CSMD1: variants seen among roughly 807,000 people sequenced by gnomAD.
The protein encoded by CSMD1 is CUB and Sushi multiple domains 1.
A neutral mutation model predicts 417.5 loss-of-function variants in CSMD1; 213 were observed. That is an observed-to-expected ratio of 0.51 (90% CI 0.46 to 0.57). The LOEUF (loss-of-function observed/expected upper bound fraction) is 0.57. Ranked by LOEUF, CSMD1 falls within the 20% of genes least tolerant of loss-of-function variation. The pLI is 0.00. For synonymous variants in CSMD1, 2,862 were observed against 1,736.8 expected (o/e 1.65, Z -16.11); for missense variants, 6,923 against 4,529.7 (o/e 1.53, Z -15.17).
intron 16 of CSMD1, among the ~76,000 whole-genome samples, chr8:3,398,681 C>G (rs988071126): frequency 3.9e-5 from 6 of 152,118 alleles, no homozygotes; most frequent in South Asian, 2.1e-4. Context: ...ACAAAGATGC[C>G]TCCCTAGCCT....
rs77022204 is a variant in CSMD1 at position 4,445,743 on chromosome 8, A to G, written c.303-25678T>C. 1.0e-2 allele frequency among the ~76,000 whole-genome samples: 1,462 copies of G among 146,590 alleles called. 10 individuals are homozygous for G. The highest frequency in any genetic ancestry group is 0.016 in the Non-Finnish European group (1,027 of 65,724). ...GGCGTAACGTTGCATTAAGTATCCA[A>G]TAATAGACGGTCCTGAGAATCTACA... On this transcript the variant is annotated intron_variant, in intron 2 of 69. Coordinates refer to ENST00000635120, the MANE Select transcript of CSMD1 (RefSeq NM_033225.6).
chr8:4,299,191 G>T (rs1408227509), intron 3 of CSMD1, among the ~76,000 whole-genome samples: 1 of 152,074 alleles, frequency 6.6e-6, no homozygotes, highest in Non-Finnish European at 1.5e-5. Context: ...ATTTATAGGA[G>T]AAAATATACT....
At chr8:2,960,938 AG>A (rs1803404266) in intron 62 of CSMD1, among the ~76,000 whole-genome samples, 1 of 110,990 alleles carries the variant, frequency 9.0e-6, no homozygotes, top group Non-Finnish European at 1.9e-5. Context: ...CTAGTAAGCA[AG>A]ATATATATAT....
intron 12 of CSMD1, among the ~76,000 whole-genome samples, chr8:3,439,309 A>ATATATATATATATATATATTTTTTTT: frequency 1.6e-5 from 1 of 62,454 alleles, no homozygotes; most frequent in East Asian, 5.7e-4. Context: ...ATATATATAT[A>ATATATATATATATATATATTTTTTTT]TTTTTTTTTT....
intron 24 of CSMD1, 136 bp downstream of exon 24, chr8:3,308,176 C>T (rs149181215): frequency 2.9e-6 from 2 of 699,962 alleles, no homozygotes; most frequent in Non-Finnish European, 4.6e-6. Flanking sequence ...ACGTGCAAAT[C>T]TCAGAATACA....
intron 42 of CSMD1, among the ~76,000 whole-genome samples, chr8:3,117,228 G>A (rs1003772796): frequency 2.0e-5 from 3 of 151,920 alleles, no homozygotes; most frequent in African/African-American, 4.8e-5. Flanking sequence ...CCACCACCAC[G>A]CCCAGCTAAT....
At position 3,454,542 on chromosome 8, in the gene CSMD1, T is replaced by G. The variant is rs535595518; in HGVS notation, c.1561+14170A>C. 2.0e-5 allele frequency among the ~76,000 whole-genome samples: 3 copies of G among 152,308 alleles called. No individual in the cohort carries two copies. The East Asian group carries it at 5.8e-4, about 29-fold the overall frequency. ...GAATCTCTCAGCATTTGCTTGTCTG[T>G]AAAGGATTTTATTTCTCCTTCACTT... On this transcript the variant is annotated intron_variant, in intron 12 of 69. Transcript: ENST00000635120.
intron 2 of CSMD1, among the ~76,000 whole-genome samples, chr8:4,422,745 A>G (rs187666189): frequency 1.3e-5 from 2 of 152,148 alleles, no homozygotes; most frequent in African/African-American, 2.4e-5. Flanking sequence ...AGAAAAATAA[A>G]ATAATGTCTC....
At chr8:4,877,503 C>A (rs1563654048) in intron 1 of CSMD1, among the ~76,000 whole-genome samples, 1 of 151,990 alleles carries the variant, frequency 6.6e-6, no homozygotes, top group Non-Finnish European at 1.5e-5. Context: ...AAATCTCTTC[C>A]CGATCCCCTA....
intron 1 of CSMD1, among the ~76,000 whole-genome samples, chr8:4,780,909 T>A (rs988516405): frequency 4.6e-5 from 7 of 152,206 alleles, no homozygotes; most frequent in African/African-American, 1.7e-4. Context: ...TCATTCCTTA[T>A]TGTAATTATT....
chr8:4,008,614 T>C lies in CSMD1; in HGVS notation c.611-10504A>G, dbSNP rs1017384943. ...TTTCTTTTTTTCTTTTTTTTTTTTT[T>C]TTTTTTTTTTTTTTGAGACAGGGTC... On this transcript the variant is annotated intron_variant, in intron 4 of 69. Transcript: ENST00000635120. Among the ~76,000 whole-genome samples, 21 of 133,732 alleles carry C rather than the reference T, an allele frequency of 1.6e-4. No homozygotes were observed. In the East Asian group the frequency reaches 2.1e-3, roughly 14 times the overall value. The allele number at this position is 133,732 out of a possible 152,430, so 87.7% of individuals were successfully genotyped here.
At chr8:4,009,744 C>G (rs117502479) in intron 4 of CSMD1, among the ~76,000 whole-genome samples, 2 of 152,118 alleles carry the variant, frequency 1.3e-5, no homozygotes, top group African/African-American at 4.8e-5. Flanking sequence ...CACAGGCGCT[C>G]ACTCCTCCAG....
At chr8:3,401,391 C>G (rs982016992) in intron 15 of CSMD1, among the ~76,000 whole-genome samples, 139 of 152,196 alleles carry the variant, frequency 9.1e-4, no homozygotes, top group African/African-American at 3.3e-3. Flanking sequence ...TTATTATACT[C>G]TTACCCATCA....
rs184292955 is a variant in CSMD1 at position 3,245,549 on chromosome 8, G to A, written c.4154-15318C>T. On this transcript the variant is annotated intron_variant, in intron 26 of 69. Transcript: ENST00000635120. ...AGGAATGTCTTTCCTTAGGATCTGA[G>A]GCCATCTCTTTGAAATGCATCATCA... is the stretch of plus-strand genomic sequence containing the variant. Among the ~76,000 whole-genome samples the A allele has an allele frequency of 5.9e-5, 9 of 152,282 alleles. No homozygotes were observed. In the East Asian group the frequency reaches 1.7e-3, roughly 29 times the overall value.
intron 3 of CSMD1, among the ~76,000 whole-genome samples, chr8:4,340,071 G>T (rs73174291): frequency 2.0e-5 from 3 of 152,042 alleles, no homozygotes; most frequent in Non-Finnish European, 4.4e-5. Context: ...ACTGACTCTG[G>T]TAACGTAAGT....
intron 5 of CSMD1, among the ~76,000 whole-genome samples, chr8:3,759,548 A>G (rs1463425902): frequency 6.6e-6 from 1 of 152,010 alleles, no homozygotes; most frequent in African/African-American, 2.4e-5. Flanking sequence ...TATGGGGCAA[A>G]TGGTGGAAAA....
intron 1 of CSMD1, among the ~76,000 whole-genome samples, chr8:4,800,682 A>C (rs1239604803): frequency 6.6e-6 from 1 of 152,154 alleles, no homozygotes; most frequent in Non-Finnish European, 1.5e-5. Flanking sequence ...CAGGTCAGCT[A>C]CGTTGGGCTA....
chr8:3,289,031 G>C (rs1411844165), intron 25 of CSMD1, among the ~76,000 whole-genome samples: 9 of 146,518 alleles, frequency 6.1e-5, no homozygotes, highest in Non-Finnish European at 1.3e-4. Context: ...CTGTGTCCGT[G>C]TGTTCTCATT....
At chr8:4,246,152 T>C (rs568131322) in intron 3 of CSMD1, among the ~76,000 whole-genome samples, 1 of 152,304 alleles carries the variant, frequency 6.6e-6, no homozygotes, top group East Asian at 1.9e-4. Flanking sequence ...ACCCATTATT[T>C]TCCTGATCCC....
Sources: gnomAD v4.1 joint callset for allele counts (sites outside exome capture counted in the v4.1 genomes callset) on GRCh38, gnomAD v4.1.1 for gene constraint, MANE v1.5 for transcripts, NCBI Gene and HGNC (gene_info 2026-07-23, HGNC 2026-07-21) for gene names.